WDR70: variants seen among roughly 807,000 people sequenced by gnomAD.
WDR70 encodes WD repeat domain 70, also known as WD repeat-containing protein 70.
A neutral mutation model predicts 88.6 loss-of-function variants in WDR70; 53 were observed. That is an observed-to-expected ratio of 0.60 (90% CI 0.48 to 0.75). The LOEUF (loss-of-function observed/expected upper bound fraction) is 0.75, where lower values mean the gene tolerates loss of function less well. WDR70 is among the 30% of genes least tolerant of loss of function. The pLI, the probability that WDR70 is intolerant of heterozygous loss-of-function variation, is 0.00. For missense variants in WDR70, 610 were observed against 823.2 expected, an observed-to-expected ratio of 0.74 and a Z score of 3.17; for synonymous variants, 280 against 270.0, an observed-to-expected ratio of 1.04 and a Z score of -0.36.
At chr5:37,456,752 A>T (rs2112093723) in intron 7 of WDR70, among the ~76,000 whole-genome samples, 1 of 152,310 alleles carries the variant, frequency 6.6e-6, no homozygotes, top group South Asian at 2.1e-4. Context: ...AAAGGACATC[A>T]AAAACAAAAT....
In WDR70 at chr5:37,396,570, AG is replaced by A; in HGVS notation, c.492+1del. 6.2e-7 allele frequency: 1 copy of A among 1,606,552 alleles called. No homozygotes were observed. Among genetic ancestry groups the A allele is most frequent in the Admixed American group, 1.7e-5 (1 of 59,308 alleles). On this transcript the variant is annotated splice_donor_variant, in intron 5 of 17. Transcript: ENST00000265107. LOFTEE classifies it high-confidence loss of function. Reference sequence around the variant, plus strand: ...AAGAAGAGGAAGAGGAGGAAGAGGAAGTAAGTATTTCAGTGGTAATTTAAGA... The same window carrying A: ...AAGAAGAGGAAGAGGAGGAAGAGGAATAAGTATTTCAGTGGTAATTTAAGA...
intron 17 of WDR70, among the ~76,000 whole-genome samples, chr5:37,741,357 T>C (rs561599710): frequency 1.3e-5 from 2 of 152,228 alleles, no homozygotes; most frequent in Admixed American, 6.5e-5. Flanking sequence ...TACATTCACA[T>C]TGTTGTGCAA....
chr5:37,486,625 G>A (rs1396267998), intron 8 of WDR70, among the ~76,000 whole-genome samples: 3 of 152,146 alleles, frequency 2.0e-5, no homozygotes, highest in African/African-American at 4.8e-5. Flanking sequence ...GATTATAGGC[G>A]TGAGCCACCA....
intron 5 of WDR70, among the ~76,000 whole-genome samples, chr5:37,424,407 ATT>A (rs11434948): frequency 7.0e-6 from 1 of 142,160 alleles, no homozygotes. Context: ...ATTTTTTTCC[ATT>A]TTTTTTTTTT....
intron 11 of WDR70, among the ~76,000 whole-genome samples, chr5:37,698,484 GA>G (rs55896898): frequency 0.25 from 38,299 of 151,970 alleles, 5,342 homozygotes; most frequent in Admixed American, 0.38. Context: ...ATCACATAAG[GA>G]AAAGAAATAC....
chr5:37,410,215 C>CT (rs1377545062), intron 5 of WDR70, among the ~76,000 whole-genome samples: 7 of 71,320 alleles, frequency 9.8e-5, no homozygotes, highest in Non-Finnish European at 2.0e-4. Flanking sequence ...TTTTTTTTTT[C>CT]TTTTTTAGAG....
At chr5:37,416,571 G>A (rs1749761834) in intron 5 of WDR70, among the ~76,000 whole-genome samples, 1 of 150,484 alleles carries the variant, frequency 6.6e-6, no homozygotes, top group African/African-American at 2.5e-5. Context: ...GAGAGGGCTT[G>A]GGAGAGGGCT....
chr5:37,437,273 T>C (rs543951507), intron 5 of WDR70, among the ~76,000 whole-genome samples: 1 of 152,286 alleles, frequency 6.6e-6, no homozygotes, highest in Non-Finnish European at 1.5e-5. Context: ...TTGAACAATT[T>C]TCTTTTTAAC....
intron 7 of WDR70, among the ~76,000 whole-genome samples, chr5:37,453,635 G>A (rs906236806): frequency 6.6e-6 from 1 of 152,184 alleles, no homozygotes; most frequent in African/African-American, 2.4e-5. Flanking sequence ...CAGTTTTGGG[G>A]CCAGTTTATG....
In WDR70 at chr5:37,488,077, C is replaced by CTT. The variant is rs34361001; in HGVS notation, c.840+8107_840+8108dup. 2.5e-3 allele frequency among the ~76,000 whole-genome samples: 311 copies of CTT among 126,284 alleles called. 1 individual carries two copies. Among genetic ancestry groups the CTT allele is most frequent in the African/African-American group, 6.3e-3 (206 of 32,794 alleles). 82.8% of individuals were successfully genotyped at this position (126,284 alleles called of 152,430 possible). A position where few individuals can be genotyped will look rare whatever the true frequency, so the allele number is the denominator to read the frequency against. On this transcript the variant is annotated intron_variant, in intron 8 of 17. Coordinates refer to ENST00000265107, the MANE Select transcript of WDR70 (RefSeq NM_018034.4). The stretch of plus-strand genomic sequence containing the variant: ...TGCTGAGTGTACTAGTCTTGGGTGG[C>CTT]TTTTTTTTTTTTTTTTTTCCTTTCA...
At chr5:37,709,281 A>T (rs1415812074) in intron 13 of WDR70, among the ~76,000 whole-genome samples, 5 of 152,164 alleles carry the variant, frequency 3.3e-5, no homozygotes, top group African/African-American at 1.2e-4. Context: ...AGGGAATAGC[A>T]TTTGCTTTGA....
intron 9 of WDR70, among the ~76,000 whole-genome samples, chr5:37,532,242 A>G (rs565408519): frequency 1.3e-5 from 2 of 152,284 alleles, no homozygotes; most frequent in African/African-American, 4.8e-5. Context: ...TGCCTAGGCA[A>G]TGATCTTTTT....
At chr5:37,591,310 T>G (rs1405242190) in intron 9 of WDR70, among the ~76,000 whole-genome samples, 1 of 152,174 alleles carries the variant, frequency 6.6e-6, no homozygotes, top group Non-Finnish European at 1.5e-5. Flanking sequence ...TCTAACCTGC[T>G]GGATCTCAAA....
chr5:37,699,303 G>C (rs1405573519), intron 11 of WDR70, among the ~76,000 whole-genome samples: 1 of 149,636 alleles, frequency 6.7e-6, no homozygotes, highest in African/African-American at 2.5e-5. Context: ...AGCCATTTTG[G>C]TGATAATTCT....
intron 8 of WDR70, among the ~76,000 whole-genome samples, chr5:37,516,024 T>A (rs929611680): frequency 2.6e-5 from 4 of 152,224 alleles, no homozygotes; most frequent in Non-Finnish European, 5.9e-5. Flanking sequence ...TACTTATTTT[T>A]ACAGAGGCAT....
At chr5:37,630,504 G>A (rs1744782079) in intron 10 of WDR70, among the ~76,000 whole-genome samples, 1 of 152,148 alleles carries the variant, frequency 6.6e-6, no homozygotes, top group Non-Finnish European at 1.5e-5. Context: ...GGCTATGTCA[G>A]CTGCTTGCAG....
intron 9 of WDR70, among the ~76,000 whole-genome samples, chr5:37,586,580 C>A (rs965612084): frequency 6.6e-6 from 1 of 151,996 alleles, no homozygotes; most frequent in Non-Finnish European, 1.5e-5. Context: ...CACCGGCAGG[C>A]CCCAAGTGTG....
chr5:37,505,577 T>A lies in WDR70; in HGVS notation c.841-10937T>A, dbSNP rs1307917779. The A allele has an allele frequency of 1.6e-5, 11 of 673,326 alleles. No individual in the cohort carries two copies. The East Asian group carries it at 1.8e-4, about 11-fold the overall frequency. 41.7% of individuals were successfully genotyped at this position (673,326 alleles called of 1,614,324 possible). A position where few individuals can be genotyped will look rare whatever the true frequency, so the allele number is the denominator to read the frequency against. On this transcript the variant is annotated intron_variant, in intron 8 of 17. Transcript: ENST00000265107. ...CAAGCATAATTCTCTCAATGTTTTT[T>A]AAAAATTTCCTTACAGTGTTACTTC...
intron 10 of WDR70, among the ~76,000 whole-genome samples, chr5:37,654,004 C>T (rs934669675): frequency 3.9e-5 from 6 of 151,960 alleles, no homozygotes; most frequent in African/African-American, 1.2e-4. Flanking sequence ...TTTGTTTGCT[C>T]TTGCTTCTCT....
Sources: allele counts gnomAD v4.1 joint callset (sites outside exome capture counted in the v4.1 genomes callset), GRCh38; gene constraint gnomAD v4.1.1; transcripts MANE v1.5; gene names NCBI Gene and HGNC (gene_info 2026-07-23, HGNC 2026-07-21).